Variants in PRMT8 observed in about 807,000 individuals in gnomAD.
The protein encoded by PRMT8 is protein arginine methyltransferase 8, also known as protein arginine N-methyltransferase 8.
Under a neutral mutation model 47.1 loss-of-function variants are expected in PRMT8, and 7 were observed. That is an observed-to-expected ratio of 0.15 (90% CI 0.08 to 0.28). The LOEUF (loss-of-function observed/expected upper bound fraction) is 0.28, where lower values mean the gene tolerates loss of function less well. Among genes scored for constraint, PRMT8 ranks in the 10% least tolerant of loss-of-function variants. The probability of loss-of-function intolerance (pLI) is 1.00; values close to 1 mark genes in which losing one functional copy is unlikely to be tolerated. For missense variants in PRMT8, 237 were observed against 505.4 expected (o/e 0.47, Z 5.09); for synonymous variants, 188 against 186.5 (o/e 1.01, Z -0.07).
At chr12:3,447,556 C>G (rs1864871359) in intron 1 of PRMT8, among the ~76,000 whole-genome samples, 1 of 152,164 alleles carries the variant, frequency 6.6e-6, no homozygotes, top group Non-Finnish European at 1.5e-5. Flanking sequence ...ACAGACATCT[C>G]TTTCTCAGGA....
chr12:3,541,045 G>A (rs111978384), intron 2 of PRMT8, among the ~76,000 whole-genome samples: 10 of 152,274 alleles, frequency 6.6e-5, no homozygotes, highest in African/African-American at 2.4e-4. Context: ...GGTGCTTACG[G>A]TCCATTTGTT....
At chr12:3,465,565 A>T (rs962331083) in intron 1 of PRMT8, among the ~76,000 whole-genome samples, 2 of 152,062 alleles carry the variant, frequency 1.3e-5, no homozygotes, top group African/African-American at 2.4e-5. Context: ...TTTGAGCCAG[A>T]TCACAAGTGG....
At chr12:3,518,965 GA>G (rs1436929447) in intron 1 of PRMT8, among the ~76,000 whole-genome samples, 2 of 152,030 alleles carry the variant, frequency 1.3e-5, no homozygotes, top group Non-Finnish European at 2.9e-5. Flanking sequence ...ATTACTAAAG[GA>G]AGCTCAAAAG....
intron 8 of PRMT8, among the ~76,000 whole-genome samples, chr12:3,589,198 G>A (rs1007659804): frequency 2.0e-5 from 3 of 152,180 alleles, no homozygotes; most frequent in Non-Finnish European, 4.4e-5. Flanking sequence ...GTATGCAGGT[G>A]AAAGGGAGAC....
intron 1 of PRMT8, among the ~76,000 whole-genome samples, chr12:3,528,371 T>A (rs1317616105): frequency 6.6e-6 from 1 of 152,224 alleles, no homozygotes; most frequent in Non-Finnish European, 1.5e-5. Context: ...GTGGGTTTTT[T>A]GGATGATCTT....
chr12:3,559,430 G>A (rs1036614542), intron 4 of PRMT8, among the ~76,000 whole-genome samples: 3 of 152,150 alleles, frequency 2.0e-5, no homozygotes, highest in Admixed American at 6.5e-5. Context: ...TTTCACTGGG[G>A]AGAGCTGGGG....
intron 1 of PRMT8, among the ~76,000 whole-genome samples, chr12:3,405,457 C>T (rs1864362939): frequency 6.6e-6 from 1 of 152,180 alleles, no homozygotes; most frequent in African/African-American, 2.4e-5. Context: ...TAACAGTCCC[C>T]CCAAATCTTA....
In PRMT8 at chr12:3,538,685, C is replaced by T. The variant is rs762771214; in HGVS notation, c.76-1921C>T. ...TCGATATTGGGGTCAGCTTCATGCA[C>T]GGAGCCTTCTTCAGCTTTAGAGGTG... On this transcript the variant is annotated intron_variant, in intron 1 of 9. Transcript: ENST00000382622. This position sits in a 1 kb window ranked among gnomAD's most constrained non-coding sequence, Gnocchi z 4.6. 23 of 518,908 alleles carry T rather than the reference C, an allele frequency of 4.4e-5. 1 individual carries two copies. Among genetic ancestry groups the T allele is most frequent in the Admixed American group, 1.6e-4 (8 of 51,580 alleles). The allele number at this position is 518,908 out of a possible 1,614,324, so 32.1% of individuals were successfully genotyped here. A position where few individuals can be genotyped will look rare whatever the true frequency, so the allele number is the denominator to read the frequency against.
At position 3,532,050 on chromosome 12, in the gene PRMT8, A is replaced by G. The variant is rs549971970; in HGVS notation, c.76-8556A>G. 3.7e-3 allele frequency among the ~76,000 whole-genome samples: 561 copies of G among 152,052 alleles called. 4 individuals carry two copies. The highest frequency in any genetic ancestry group is 0.013 in the African/African-American group (537 of 41,496). Reference sequence around the variant, plus strand: ...TGGGTCTCAGTCCCACCCTGATTTCATTGGTCTGCGGTGGGCTGGAGATCC... The same window carrying G: ...TGGGTCTCAGTCCCACCCTGATTTCGTTGGTCTGCGGTGGGCTGGAGATCC... On this transcript the variant is annotated intron_variant, in intron 1 of 9. Transcript: ENST00000382622.
At chr12:3,437,419 G>A (rs1192520183) in intron 1 of PRMT8, among the ~76,000 whole-genome samples, 1 of 151,546 alleles carries the variant, frequency 6.6e-6, no homozygotes, top group African/African-American at 2.4e-5. Context: ...TGTTATATAG[G>A]TACATTGTGC....
intron 1 of PRMT8, among the ~76,000 whole-genome samples, chr12:3,459,602 C>CAAAGAAAGGTGT (rs532223039): frequency 6.6e-6 from 1 of 152,012 alleles, no homozygotes; most frequent in Non-Finnish European, 1.5e-5. Flanking sequence ...ACAAATTTGG[C>CAAAGAAAGGTGT]AAAGAAAGGT....
At chr12:3,473,215 G>GAA (rs1865177283) in intron 1 of PRMT8, among the ~76,000 whole-genome samples, 1 of 151,952 alleles carries the variant, frequency 6.6e-6, no homozygotes, top group African/African-American at 2.4e-5. Context: ...GACTTTCACA[G>GAA]CTCCCCTCTC....
At chr12:3,512,523 C>A (rs1382850282) in intron 1 of PRMT8, among the ~76,000 whole-genome samples, 1 of 152,168 alleles carries the variant, frequency 6.6e-6, no homozygotes, top group East Asian at 1.9e-4. Flanking sequence ...CTCCCCTTCA[C>A]CCCAGCCAGA....
Position 3,508,733 on chromosome 12 carries a change from A to G in PRMT8, c.75+17033A>G, listed in dbSNP as rs1261613805. On this transcript the variant is annotated intron_variant, in intron 1 of 9. Coordinates refer to ENST00000382622, the MANE Select transcript of PRMT8 (RefSeq NM_019854.5). The surrounding 1 kb of genome is among the most constrained non-coding windows in gnomAD (Gnocchi z 4.9). ...AGTTCCCATTCTCAGACTGCAGCCC[A>G]CATCTCTCCTCTGAGATACGCGAGG... 6.6e-6 allele frequency among the ~76,000 whole-genome samples: 1 copy of G among 152,064 alleles called. No individual in the cohort carries two copies. Among genetic ancestry groups the G allele is most frequent in the East Asian group, 1.9e-4 (1 of 5,190 alleles).
rs1311223564 is a variant in PRMT8 at position 3,572,095 on chromosome 12, C to G, written c.712+2531C>G. 2.0e-5 allele frequency among the ~76,000 whole-genome samples: 3 copies of G among 151,954 alleles called. No individual in the cohort carries two copies. Among genetic ancestry groups the G allele is most frequent in the Non-Finnish European group, 4.4e-5 (3 of 68,004 alleles). The stretch of plus-strand genomic sequence containing the variant: ...CCCTTCCCTCCCCTCCTTTCTTCTT[C>G]TTTCTCAACCACACACAGCAACATG... On this transcript the variant is annotated intron_variant, in intron 6 of 9. Transcript: ENST00000382622. This position sits in a 1 kb window ranked among gnomAD's most constrained non-coding sequence, Gnocchi z 5.9.
At chr12:3,558,443 C>A (rs759288041) in intron 4 of PRMT8, among the ~76,000 whole-genome samples, 3 of 152,206 alleles carry the variant, frequency 2.0e-5, no homozygotes, top group African/African-American at 7.2e-5. Context: ...ATGCAACCAT[C>A]AAAGTCAGGA....
intron 1 of PRMT8, among the ~76,000 whole-genome samples, chr12:3,399,893 C>G (rs1003052264): frequency 2.6e-5 from 4 of 152,152 alleles, no homozygotes; most frequent in Non-Finnish European, 4.4e-5. Context: ...AATGACTATA[C>G]CCCAAGGCCA....
intron 7 of PRMT8, among the ~76,000 whole-genome samples, chr12:3,578,331 T>C (rs6489481): frequency 0.35 from 53,012 of 151,734 alleles, 9,466 homozygotes; most frequent in Middle Eastern, 0.44. Context: ...CTCAGGTGAT[T>C]TTCCTGTCTT....
At chr12:3,496,290 G>A (rs1426164087) in intron 1 of PRMT8, among the ~76,000 whole-genome samples, 1 of 132,174 alleles carries the variant, frequency 7.6e-6, no homozygotes, top group Non-Finnish European at 1.6e-5. Flanking sequence ...ATTACAGGTT[G>A]GAAAAAATCC....
Sources: allele counts gnomAD v4.1 joint callset (sites outside exome capture counted in the v4.1 genomes callset), GRCh38; gene constraint gnomAD v4.1.1; non-coding constraint Gnocchi (gnomAD v3.1); transcripts MANE v1.5; gene names NCBI Gene and HGNC (gene_info 2026-07-23, HGNC 2026-07-21).